Variants in MBD5 observed in about 807,000 individuals in gnomAD.
The protein encoded by MBD5 is methyl-CpG-binding domain protein 5.
In MBD5, 13 loss-of-function variants were observed where a neutral mutation model predicts 117.3. The ratio of observed to expected loss-of-function variants is 0.11; its 90% CI spans 0.07 to 0.18. The LOEUF is 0.18. MBD5 is among the 10% of genes least tolerant of loss of function. The pLI is 1.00. For synonymous variants in MBD5, 727 were observed against 766.4 expected (o/e 0.95, Z 0.85); for missense variants, 1,879 against 2,093.8 (o/e 0.90, Z 2.00).
intron 1 of MBD5, among the ~76,000 whole-genome samples, chr2:148,111,746 C>G (rs1696508101): frequency 1.3e-5 from 2 of 152,054 alleles, no homozygotes; most frequent in African/African-American, 4.8e-5. Flanking sequence ...TATACAGATA[C>G]ACAGAGGTCC....
At chr2:148,446,406 C>G (rs906500623) in intron 4 of MBD5, among the ~76,000 whole-genome samples, 3 of 151,648 alleles carry the variant, frequency 2.0e-5, no homozygotes, top group Admixed American at 2.0e-4. Context: ...CAAAAACAAA[C>G]AAACAAACAA....
intron 2 of MBD5, among the ~76,000 whole-genome samples, chr2:148,203,652 C>T (rs979158995): frequency 6.6e-6 from 1 of 152,112 alleles, no homozygotes; most frequent in Admixed American, 6.5e-5. Context: ...AGGTAATCTC[C>T]GCTGCAACAG....
chr2:148,493,890 G>A (rs546767117), intron 11 of MBD5, among the ~76,000 whole-genome samples: 1 of 152,248 alleles, frequency 6.6e-6, no homozygotes, highest in African/African-American at 2.4e-5. Flanking sequence ...TGGGTTTTGG[G>A]CACTCTGATG....
chr2:148,361,740 A>G (rs1304096896), intron 4 of MBD5, among the ~76,000 whole-genome samples: 2 of 152,218 alleles, frequency 1.3e-5, no homozygotes, highest in African/African-American at 4.8e-5. Context: ...AGATGGCCAA[A>G]TAGGAACAGC....
intron 2 of MBD5, among the ~76,000 whole-genome samples, chr2:148,231,461 C>A (rs1406958368): frequency 6.6e-6 from 1 of 152,144 alleles, no homozygotes; most frequent in South Asian, 2.1e-4. Context: ...ACTGTTTTTC[C>A]TACCTGTTCA....
intron 4 of MBD5, chr2:148,347,434 G>A (rs1703149343): frequency 6.6e-6 from 1 of 151,862 alleles, no homozygotes; most frequent in South Asian, 2.1e-4. Context: ...TTTTAAAATG[G>A]CCTCTATAAG....
At chr2:148,317,127 T>C (rs1414990755) in intron 3 of MBD5, among the ~76,000 whole-genome samples, 1 of 152,184 alleles carries the variant, frequency 6.6e-6, no homozygotes, top group Non-Finnish European at 1.5e-5. Context: ...GGTGGGTGGA[T>C]CACCTGAGGT....
At chr2:148,453,159 A>C (rs1046967386) in intron 4 of MBD5, among the ~76,000 whole-genome samples, 13 of 123,244 alleles carry the variant, frequency 1.1e-4, no homozygotes, top group African/African-American at 3.6e-4. Context: ...AATAATCATC[A>C]TCAGATAATG....
chr2:148,261,398 C>G (rs34295088), intron 3 of MBD5, among the ~76,000 whole-genome samples: 31,152 of 152,188 alleles, frequency 0.2, 3,909 homozygotes, highest in East Asian at 0.53. Flanking sequence ...GCAGCTTCTC[C>G]ATCAGAACTT....
intron 3 of MBD5, among the ~76,000 whole-genome samples, chr2:148,309,907 G>A (rs1009908645): frequency 6.6e-6 from 1 of 151,284 alleles, no homozygotes; most frequent in Non-Finnish European, 1.5e-5. Flanking sequence ...CTGCATCTAT[G>A]TGGTTTTTGT....
At chr2:148,359,870 A>G (rs1405010993) in intron 4 of MBD5, among the ~76,000 whole-genome samples, 2 of 152,166 alleles carry the variant, frequency 1.3e-5, no homozygotes, top group African/African-American at 4.8e-5. Context: ...TCTCCCTTTA[A>G]AAGAAGTATA....
chr2:148,441,719 C>T (rs1343052994), intron 4 of MBD5, among the ~76,000 whole-genome samples: 1 of 151,768 alleles, frequency 6.6e-6, no homozygotes, highest in Non-Finnish European at 1.5e-5. Context: ...TACAGTCCCA[C>T]CAACAGTGTA....
In MBD5 at chr2:148,485,965, T is replaced by A. The variant is rs1057524750; in HGVS notation, c.3753+15T>A. ...AGAACTTTCAGGTACTCTCCTCTGC[T>A]GTGTCATTTTAGAAGAAAACAATGT... On this transcript the variant is annotated intron_variant, in intron 10 of 13. Transcript: ENST00000642680. The A allele has an allele frequency of 2.5e-6, 4 of 1,609,692 alleles. No homozygotes were observed.
intron 4 of MBD5, among the ~76,000 whole-genome samples, chr2:148,373,849 A>G (rs2105380008): frequency 6.6e-6 from 1 of 152,138 alleles, no homozygotes; most frequent in Non-Finnish European, 1.5e-5. Flanking sequence ...CTCTGTCCTT[A>G]TTTAGTGTGT....
chr2:148,194,594 ACT>A (rs1297965187), intron 2 of MBD5, among the ~76,000 whole-genome samples: 1 of 102,558 alleles, frequency 9.8e-6, no homozygotes, highest in Non-Finnish European at 2.1e-5. Flanking sequence ...GGAATATCAC[ACT>A]CTGGGGACTG....
intron 1 of MBD5, among the ~76,000 whole-genome samples, chr2:148,158,105 A>G (rs981616508): frequency 1.3e-5 from 2 of 152,162 alleles, no homozygotes; most frequent in Non-Finnish European, 2.9e-5. Context: ...TGTTAATTTC[A>G]GCATTATTTA....
intron 4 of MBD5, among the ~76,000 whole-genome samples, chr2:148,457,841 AAC>A (rs1422249690): frequency 6.6e-6 from 1 of 152,228 alleles, no homozygotes; most frequent in Non-Finnish European, 1.5e-5. Context: ...TGGTTGGATT[AAC>A]ACACAACTGT....
intron 4 of MBD5, among the ~76,000 whole-genome samples, chr2:148,427,037 A>G (rs907864454): frequency 2.6e-5 from 4 of 152,236 alleles, no homozygotes; most frequent in Non-Finnish European, 4.4e-5. Context: ...TGCAGCCAAA[A>G]AACACATGAA....
intron 3 of MBD5, among the ~76,000 whole-genome samples, chr2:148,289,073 T>G (rs925071379): frequency 1.3e-5 from 2 of 152,238 alleles, no homozygotes; most frequent in African/African-American, 4.8e-5. Context: ...ATTGAACTAC[T>G]TTTGTGCTTA....
Sources: allele counts gnomAD v4.1 joint callset (sites outside exome capture counted in the v4.1 genomes callset), GRCh38; gene constraint gnomAD v4.1.1; transcripts MANE v1.5; gene names NCBI Gene and HGNC (gene_info 2026-07-23, HGNC 2026-07-21).